EYS: variants seen among roughly 807,000 people sequenced by gnomAD.
The protein encoded by EYS is EGF-like photoreceptor maintenance factor.
A neutral mutation model predicts 282.1 loss-of-function variants in EYS; 250 were observed. The observed-to-expected ratio is 0.89, with a 90% CI of 0.80 to 0.98. The LOEUF (loss-of-function observed/expected upper bound fraction) is 0.98, where lower values mean the gene tolerates loss of function less well. Among genes scored for constraint, EYS ranks in the 50% least tolerant of loss-of-function variants. EYS has a pLI of 0.00. For missense variants in EYS, 4,016 were observed against 3,709.0 expected (o/e 1.08, Z -2.15); for synonymous variants, 1,355 against 1,282.9 (o/e 1.06, Z -1.20).
chr6:64,648,702 T>C (rs1019614541), intron 22 of EYS, among the ~76,000 whole-genome samples: 1 of 151,530 alleles, frequency 6.6e-6, no homozygotes, highest in African/African-American at 2.4e-5. Flanking sequence ...AAAAGAAAGA[T>C]AGACTGATAA....
chr6:63,868,649 GAT>G (rs1443310330), intron 35 of EYS, among the ~76,000 whole-genome samples: 1 of 152,134 alleles, frequency 6.6e-6, no homozygotes, highest in Non-Finnish European at 1.5e-5. Context: ...TATCGGCTCT[GAT>G]AGCACCACAG....
chr6:64,825,599 T>C (rs959021027), intron 19 of EYS, among the ~76,000 whole-genome samples: 3 of 151,884 alleles, frequency 2.0e-5, no homozygotes, highest in African/African-American at 7.2e-5. Context: ...AAACTGTTAG[T>C]CCTTGCGAAG....
chr6:65,568,901 C>T (rs1479317977), intron 2 of EYS, among the ~76,000 whole-genome samples: 1 of 152,158 alleles, frequency 6.6e-6, no homozygotes, highest in Non-Finnish European at 1.5e-5. Context: ...AGTGATCTGA[C>T]CTGAGTCCAT....
At chr6:63,752,835 T>G (rs1769373703) in intron 41 of EYS, among the ~76,000 whole-genome samples, 1 of 152,102 alleles carries the variant, frequency 6.6e-6, no homozygotes, top group East Asian at 1.9e-4. Context: ...CAATACATTT[T>G]TATTAGAGTT....
chr6:64,445,851 C>G (rs142312884), intron 26 of EYS, among the ~76,000 whole-genome samples: 8 of 152,020 alleles, frequency 5.3e-5, no homozygotes, highest in Non-Finnish European at 5.9e-5. Flanking sequence ...GAGATGAGGA[C>G]GGGCTCAGCT....
At chr6:65,665,224 G>C (rs1391733986) in intron 1 of EYS, among the ~76,000 whole-genome samples, 1 of 152,098 alleles carries the variant, frequency 6.6e-6, no homozygotes, top group Non-Finnish European at 1.5e-5. Context: ...AAGAATTTAA[G>C]GTATGAGAAC....
rs1032670465 is a variant in EYS, at chr6:65,047,814, T to C, written c.2137+9800A>G. On this transcript the variant is annotated intron_variant, in intron 13 of 42. Transcript: ENST00000503581. ...ACCAGAAATAGAATGAGGTCTTTTC[T>C]GCCACCCAGGAGCTGAGTGGAGGTA... Among the ~76,000 whole-genome samples, 131 of 152,058 alleles carry C rather than the reference T, an allele frequency of 8.6e-4. 1 individual carries two copies. The highest frequency in any genetic ancestry group is 2.9e-3 in the African/African-American group (119 of 41,550).
chr6:64,950,514 A>C (rs1047340362), intron 14 of EYS, among the ~76,000 whole-genome samples: 11 of 151,644 alleles, frequency 7.3e-5, no homozygotes, highest in Non-Finnish European at 1.0e-4. Context: ...TTTAAAATAC[A>C]TTATATAGTT....
At chr6:65,250,504 C>G (rs1184470770) in intron 12 of EYS, among the ~76,000 whole-genome samples, 1 of 151,722 alleles carries the variant, frequency 6.6e-6, no homozygotes, top group Non-Finnish European at 1.5e-5. Flanking sequence ...TTTTGTTCAC[C>G]AAAAATTCTC....
At chr6:64,135,897 C>G (rs1284923698) in intron 31 of EYS, among the ~76,000 whole-genome samples, 1 of 151,916 alleles carries the variant, frequency 6.6e-6, no homozygotes, top group Non-Finnish European at 1.5e-5. Flanking sequence ...ATTGGGATGG[C>G]TATGGGCATT....
chr6:65,433,645 G>A (rs1029844536), intron 5 of EYS, among the ~76,000 whole-genome samples: 5 of 152,132 alleles, frequency 3.3e-5, no homozygotes, highest in Admixed American at 6.5e-5. Context: ...GATTTAGTAC[G>A]TTATTCAGAA....
At chr6:64,647,047 TATAAA>T (rs1017099043) in intron 22 of EYS, among the ~76,000 whole-genome samples, 9 of 152,098 alleles carry the variant, frequency 5.9e-5, no homozygotes, top group African/African-American at 2.2e-4. Flanking sequence ...TTTTCCAACT[TATAAA>T]AGAAACCACT....
chr6:64,981,989 T>C (rs1770685319), intron 14 of EYS, among the ~76,000 whole-genome samples: 1 of 151,362 alleles, frequency 6.6e-6, no homozygotes, highest in African/African-American at 2.4e-5. Flanking sequence ...ACGAGGCAAC[T>C]CTAGATTTCA....
chr6:65,037,046 C>T (rs1772793315), intron 13 of EYS, among the ~76,000 whole-genome samples: 1 of 151,840 alleles, frequency 6.6e-6, no homozygotes, highest in South Asian at 2.1e-4. Context: ...ATAGCAAAGT[C>T]ATGGAATCTA....
chr6:64,247,533 A>C (rs1423735902), intron 30 of EYS, among the ~76,000 whole-genome samples: 1 of 152,194 alleles, frequency 6.6e-6, no homozygotes, highest in Non-Finnish European at 1.5e-5. Flanking sequence ...TACTTAACCA[A>C]AAAGGACTTC....
chr6:64,529,223 G>T (rs1048215818), intron 26 of EYS, among the ~76,000 whole-genome samples: 3 of 151,946 alleles, frequency 2.0e-5, no homozygotes, highest in African/African-American at 7.2e-5. Flanking sequence ...CAATGGCCTG[G>T]CCTCAACAAA....
At chr6:64,433,880 T>C (rs1453137196) in intron 28 of EYS, among the ~76,000 whole-genome samples, 1 of 152,000 alleles carries the variant, frequency 6.6e-6, no homozygotes, top group Non-Finnish European at 1.5e-5. Context: ...CTAATCTTGC[T>C]CCCTTACTGA....
chr6:65,453,156 A>G (rs1764469811), intron 5 of EYS, among the ~76,000 whole-genome samples: 1 of 152,056 alleles, frequency 6.6e-6, no homozygotes, highest in Admixed American at 6.6e-5. Flanking sequence ...TTATTGTTCG[A>G]AGTCCATATA....
In EYS at chr6:65,239,449, C is replaced by T. The variant is rs1437327844; in HGVS notation, c.2023+56414G>A. On this transcript the variant is annotated intron_variant, in intron 12 of 42. Transcript: ENST00000503581. ...AAATTATCTGAAAGTATAAACTTTGCTAAATACATAATGTAAATTTTCATA... is the reference window on the plus strand; with the variant it reads ...AAATTATCTGAAAGTATAAACTTTGTTAAATACATAATGTAAATTTTCATA... 2.0e-5 allele frequency among the ~76,000 whole-genome samples: 3 copies of T among 151,930 alleles called. No homozygotes were observed. The East Asian group carries it at 5.8e-4, about 29-fold the overall frequency.
Sources: gnomAD v4.1 joint callset for allele counts (sites outside exome capture counted in the v4.1 genomes callset) on GRCh38, gnomAD v4.1.1 for gene constraint, MANE v1.5 for transcripts, NCBI Gene and HGNC (gene_info 2026-07-23, HGNC 2026-07-21) for gene names.